The following RCOR1 variants were observed in gnomAD, a reference collection of about 807,000 sequenced individuals.
RCOR1 encodes REST corepressor.
RCOR1 carries 12 observed loss-of-function variants against 64.0 expected under a neutral mutation model. The observed-to-expected ratio is 0.19, with a 90% CI of 0.12 to 0.30. The LOEUF (loss-of-function observed/expected upper bound fraction) is 0.30, where lower values mean the gene tolerates loss of function less well. RCOR1 is among the 10% of genes least tolerant of loss of function. RCOR1 has a pLI of 1.00. For missense variants in RCOR1, 502 were observed against 621.2 expected, an observed-to-expected ratio of 0.81 and a Z score of 2.04; for synonymous variants, 279 against 227.2, an observed-to-expected ratio of 1.23 and a Z score of -2.05.
chr14:102,637,299 G>T (rs1894263477), intron 2 of RCOR1, among the ~76,000 whole-genome samples: 1 of 151,586 alleles, frequency 6.6e-6, no homozygotes, highest in Admixed American at 6.6e-5. Flanking sequence ...GCTAATTTTT[G>T]TATTTTTAGT....
chr14:102,619,077 G>A (rs1476578577), intron 2 of RCOR1, among the ~76,000 whole-genome samples: 1 of 152,056 alleles, frequency 6.6e-6, no homozygotes, highest in Non-Finnish European at 1.5e-5. Flanking sequence ...TATCACAAGC[G>A]TCCTGGCTTG....
chr14:102,668,621 C>G (rs1894965770), intron 2 of RCOR1, among the ~76,000 whole-genome samples: 1 of 151,968 alleles, frequency 6.6e-6, no homozygotes, highest in Admixed American at 6.6e-5. Context: ...TTTTACAGTC[C>G]CTCTCCTTTT....
chr14:102,669,821 C>T (rs867905508), intron 2 of RCOR1, among the ~76,000 whole-genome samples: 5 of 152,178 alleles, frequency 3.3e-5, no homozygotes, highest in African/African-American at 9.7e-5. Flanking sequence ...GATTACCCAA[C>T]GTCAGAAGCC....
intron 2 of RCOR1, chr14:102,655,110 C>CTTT (rs67404203): frequency 1.1e-4 from 12 of 104,532 alleles, no homozygotes; most frequent in Non-Finnish European, 1.6e-4. Context: ...CGCGGACAAC[C>CTTT]TTTTTTTTTT....
chr14:102,714,679 T>TA (rs1482461253), intron 8 of RCOR1, 62 bp downstream of exon 8: 1 of 1,278,074 alleles, frequency 7.8e-7, no homozygotes, highest in Non-Finnish European at 1.1e-6. Flanking sequence ...GTGTTTCTGT[T>TA]ATTCATATAT....
At chr14:102,595,215 C>T (rs912451773) in intron 2 of RCOR1, among the ~76,000 whole-genome samples, 1 of 152,210 alleles carries the variant, frequency 6.6e-6, no homozygotes, top group Non-Finnish European at 1.5e-5. Flanking sequence ...AAATGGAAAA[C>T]ATTTATCAGA....
Position 102,708,449 on chromosome 14 carries a change from C to T in RCOR1, c.661-16C>T, listed in dbSNP as rs763520762. 3 of 1,317,970 alleles carry T rather than the reference C, an allele frequency of 2.3e-6. No homozygotes were observed. Among genetic ancestry groups the T allele is most frequent in the Non-Finnish European group, 3.3e-6 (3 of 912,178 alleles). 81.6% of individuals were successfully genotyped at this position (1,317,970 alleles called of 1,614,324 possible). On this transcript the variant is annotated splice_polypyrimidine_tract_variant and intron_variant, in intron 5 of 11. Coordinates refer to ENST00000262241, the MANE Select transcript of RCOR1 (RefSeq NM_015156.4). ...ACTTTTTTATTTAAATAAACCAACT[C>T]ATTTTTTATGTTTAGCTTCCAGATA...
intron 2 of RCOR1, among the ~76,000 whole-genome samples, chr14:102,637,773 CATTT>C (rs1894275687): frequency 6.6e-6 from 1 of 152,036 alleles, no homozygotes; most frequent in South Asian, 2.1e-4. Flanking sequence ...TTTTGAGACA[CATTT>C]AGTTTTTTCG....
At chr14:102,659,110 A>G (rs1337878183) in intron 2 of RCOR1, 1 of 985,030 alleles carries the variant, frequency 1.0e-6, no homozygotes, top group African/African-American at 1.7e-5. Flanking sequence ...TTTCTAGGAA[A>G]GGTCTTTGCC....
At chr14:102,593,346 G>A (rs1893174247) in intron 2 of RCOR1, 21 bp downstream of exon 2, 1 of 1,524,068 alleles carries the variant, frequency 6.6e-7, no homozygotes, top group Non-Finnish European at 8.7e-7. Context: ...GCCCCGGCCG[G>A]CCGGCGGCGG....
rs1896310431 is a variant in RCOR1 at position 102,728,332 on chromosome 14, C to G, written c.*1826C>G. On this transcript the variant is annotated 3_prime_UTR_variant, in exon 12 of 12. Coordinates refer to ENST00000262241, the MANE Select transcript of RCOR1 (RefSeq NM_015156.4). ...CCGGATTGCTGCTGCTACCTGGAGA[C>G]AGGGTTAGCAAAATAACACTAGTGA... 6.6e-6 allele frequency: 1 copy of G among 152,096 alleles called. No homozygotes were observed. The highest frequency in any genetic ancestry group is 1.5e-5 in the Non-Finnish European group (1 of 68,038). 9.4% of individuals were successfully genotyped at this position (152,096 alleles called of 1,614,324 possible). A position where few individuals can be genotyped will look rare whatever the true frequency, so the allele number is the denominator to read the frequency against.
chr14:102,631,496 C>T (rs1432523001), intron 2 of RCOR1, among the ~76,000 whole-genome samples: 1 of 152,072 alleles, frequency 6.6e-6, no homozygotes, highest in Non-Finnish European at 1.5e-5. Context: ...AGCCATCACG[C>T]CCGGCCCAGT....
At chr14:102,676,815 C>A (rs1221090017) in intron 2 of RCOR1, among the ~76,000 whole-genome samples, 2 of 80,508 alleles carry the variant, frequency 2.5e-5, no homozygotes, top group East Asian at 4.6e-4. Flanking sequence ...CGGGCAGAGG[C>A]GCCCCTCACC....
Position 102,721,076 on chromosome 14 carries a change from C to T in RCOR1, c.1123C>T (p.Leu375Phe). 2 of 1,558,704 alleles carry T rather than the reference C, an allele frequency of 1.3e-6. No individual in the cohort carries two copies. Among genetic ancestry groups the T allele is most frequent in the Non-Finnish European group, 1.8e-6 (2 of 1,140,666 alleles). The part of the protein sequence containing the change: ...KLDGGIEPYR[L>F]PEVIQKCNAR... ...TGATGGTGGAATAGAACCATATCGA[C>T]TTCCAGAGGTAGGATTATGTTAACA... is the stretch of plus-strand genomic sequence containing the variant. Residue 375 changes from leucine to phenylalanine, a missense_variant, in exon 9 of 12, where the codon CTT (leucine) becomes TTT (phenylalanine). Physicochemically the swap from Leu to Phe is conservative, Grantham distance 22. This residue lies in a region of RCOR1 where 260 missense variants were observed against 416.4 expected (regional missense o/e 0.62). Transcript: ENST00000262241.
intron 3 of RCOR1, among the ~76,000 whole-genome samples, chr14:102,687,914 C>T (rs1895452582): frequency 6.6e-6 from 1 of 151,046 alleles, no homozygotes; most frequent in South Asian, 2.1e-4. Flanking sequence ...AGTTTGCTGG[C>T]TGGACCAGGG....
intron 3 of RCOR1, among the ~76,000 whole-genome samples, chr14:102,697,193 G>T (rs1895668389): frequency 6.6e-6 from 1 of 152,232 alleles, no homozygotes; most frequent in South Asian, 2.1e-4. Context: ...AGGAGGAGGA[G>T]TACCTACTGT....
chr14:102,717,874 G>A (rs1896097023), intron 8 of RCOR1, among the ~76,000 whole-genome samples: 3 of 152,120 alleles, frequency 2.0e-5, no homozygotes, highest in African/African-American at 7.2e-5. Context: ...CAGAGAGGAG[G>A]TGGGTGATTT....
intron 2 of RCOR1, among the ~76,000 whole-genome samples, chr14:102,665,706 G>A (rs1379645739): frequency 6.6e-6 from 1 of 152,198 alleles, no homozygotes; most frequent in Non-Finnish European, 1.5e-5. Context: ...CCAGATGGGA[G>A]TTCAGATGCT....
At chr14:102,689,206 A>G (rs1322768081) in intron 3 of RCOR1, among the ~76,000 whole-genome samples, 2 of 152,194 alleles carry the variant, frequency 1.3e-5, no homozygotes, top group Non-Finnish European at 2.9e-5. Flanking sequence ...CTTAGGAAAA[A>G]CAAAGTTTAC....
Sources: gnomAD v4.1 joint callset for allele counts (sites outside exome capture counted in the v4.1 genomes callset) on GRCh38, gnomAD v4.1.1 for gene constraint, gnomAD v4.1.1 regional missense constraint, MANE v1.5 for transcripts, NCBI Gene and HGNC (gene_info 2026-07-23, HGNC 2026-07-21) for gene names.